The following KCNAB1 variants were observed in gnomAD, a reference collection of about 807,000 sequenced individuals.
The protein encoded by KCNAB1 is potassium voltage-gated channel subfamily A regulatory beta subunit 1, also known as voltage-gated potassium channel subunit beta-1.
A neutral mutation model predicts 64.6 loss-of-function variants in KCNAB1; 35 were observed. That is an observed-to-expected ratio of 0.54 (90% CI 0.41 to 0.72). KCNAB1 has a LOEUF of 0.72. Among genes scored for constraint, KCNAB1 ranks in the 30% least tolerant of loss-of-function variants. KCNAB1 has a pLI of 0.00. For missense variants in KCNAB1, 401 were observed against 512.9 expected, an observed-to-expected ratio of 0.78 and a Z score of 2.11; for synonymous variants, 177 against 183.8, an observed-to-expected ratio of 0.96 and a Z score of 0.30.
chr3:156,395,408 A>G (rs992394488), intron 1 of KCNAB1, among the ~76,000 whole-genome samples: 23 of 148,798 alleles, frequency 1.5e-4, no homozygotes, highest in Non-Finnish European at 3.0e-4. Context: ...AGCCGGGCGT[A>G]GTGGCGGGCG....
At chr3:156,408,637 G>T (rs572374843) in intron 1 of KCNAB1, among the ~76,000 whole-genome samples, 2 of 152,062 alleles carry the variant, frequency 1.3e-5, no homozygotes, top group Middle Eastern at 6.8e-3. Context: ...AAAATTAGCC[G>T]GGTGTGGTGG....
chr3:156,229,608 C>A (rs1030021509), intron 1 of KCNAB1, among the ~76,000 whole-genome samples: 2 of 152,162 alleles, frequency 1.3e-5, no homozygotes, highest in African/African-American at 2.4e-5. Context: ...GATATAGAGT[C>A]ATTTCCTAAG....
intron 1 of KCNAB1, among the ~76,000 whole-genome samples, chr3:156,307,620 G>A (rs567163225): frequency 6.6e-6 from 1 of 152,184 alleles, no homozygotes; most frequent in Non-Finnish European, 1.5e-5. Flanking sequence ...GAGAACCCAA[G>A]GTGGCTCCAT....
chr3:156,296,929 T>G (rs902022330), intron 1 of KCNAB1, among the ~76,000 whole-genome samples: 1 of 152,192 alleles, frequency 6.6e-6, no homozygotes, highest in African/African-American at 2.4e-5. Context: ...TATAGCATGA[T>G]AGCAAAACCA....
At chr3:156,199,604 G>C (rs762784861) in intron 1 of KCNAB1, among the ~76,000 whole-genome samples, 4 of 151,962 alleles carry the variant, frequency 2.6e-5, no homozygotes, top group Non-Finnish European at 4.4e-5. Flanking sequence ...CCACTTAATC[G>C]ATTTGGTTAT....
chr3:156,238,378 C>A (rs993404354), intron 1 of KCNAB1, among the ~76,000 whole-genome samples: 1 of 146,686 alleles, frequency 6.8e-6, no homozygotes, highest in South Asian at 2.2e-4. Context: ...GCCGAGATCA[C>A]GCCACTGCAC....
chr3:156,237,144 T>C (rs1039832791), intron 1 of KCNAB1, among the ~76,000 whole-genome samples: 15 of 152,184 alleles, frequency 9.9e-5, no homozygotes, highest in Non-Finnish European at 1.8e-4. Flanking sequence ...TTTATTGGTT[T>C]TAGCCCCTCA....
chr3:156,346,890 A>C (rs1312512235), intron 1 of KCNAB1, among the ~76,000 whole-genome samples: 3 of 152,166 alleles, frequency 2.0e-5, no homozygotes, highest in African/African-American at 4.8e-5. Flanking sequence ...TGTTCTTGTC[A>C]GCATGCCATT....
chr3:156,317,442 T>C (rs1322891101), intron 1 of KCNAB1, among the ~76,000 whole-genome samples: 1 of 152,196 alleles, frequency 6.6e-6, no homozygotes, highest in Middle Eastern at 3.2e-3. Flanking sequence ...AATCTGTTAA[T>C]TGTCTTTCAC....
intron 8 of KCNAB1, 106 bp from the exon 9 acceptor site, chr3:156,514,258 A>G (rs977371762): frequency 2.6e-6 from 2 of 783,002 alleles, no homozygotes; most frequent in Non-Finnish European, 4.4e-6. Flanking sequence ...TATTAATCAA[A>G]CAAACAATTG....
intron 1 of KCNAB1, among the ~76,000 whole-genome samples, chr3:156,350,707 T>C (rs1296807603): frequency 6.6e-6 from 1 of 152,248 alleles, no homozygotes; most frequent in Non-Finnish European, 1.5e-5. Flanking sequence ...ATAAAGCATT[T>C]CAGAAGTTAA....
chr3:156,285,323 G>C (rs1448999453), intron 1 of KCNAB1, among the ~76,000 whole-genome samples: 1 of 152,000 alleles, frequency 6.6e-6, no homozygotes, highest in Non-Finnish European at 1.5e-5. Flanking sequence ...TCTAACATAA[G>C]ACAATGGCAA....
chr3:156,286,258 A>C (rs1353391861), intron 1 of KCNAB1, among the ~76,000 whole-genome samples: 1 of 152,210 alleles, frequency 6.6e-6, no homozygotes, highest in Non-Finnish European at 1.5e-5. Context: ...GAATATAATA[A>C]ATTGCTCTTC....
intron 1 of KCNAB1, among the ~76,000 whole-genome samples, chr3:156,358,951 A>C (rs1188863206): frequency 6.6e-6 from 1 of 152,220 alleles, no homozygotes; most frequent in Non-Finnish European, 1.5e-5. Flanking sequence ...ACTATATATA[A>C]AATATGAATA....
intron 1 of KCNAB1, among the ~76,000 whole-genome samples, chr3:156,330,959 T>C (rs1723291275): frequency 6.6e-6 from 1 of 152,078 alleles, no homozygotes; most frequent in South Asian, 2.1e-4. Flanking sequence ...AACTACTTTC[T>C]AAAAACAAAA....
In KCNAB1 at chr3:156,395,544, C is replaced by CAAAAAAAAAA. The variant is rs61017269; in HGVS notation, c.276-26040_276-26031dup. On this transcript the variant is annotated intron_variant, in intron 1 of 13. Transcript: ENST00000490337. ...TGGGCGACAGAGCGAGACTCCGTCT[C>CAAAAAAAAAA]AAAAAAAAAAAAAAAAAAAAAAAAA... 3.6e-3 allele frequency among the ~76,000 whole-genome samples: 91 copies of CAAAAAAAAAA among 25,456 alleles called. 23 individuals are homozygous for CAAAAAAAAAA. Among genetic ancestry groups the CAAAAAAAAAA allele is most frequent in the Non-Finnish European group, 8.3e-3 (75 of 8,986 alleles). The allele number at this position is 25,456 out of a possible 152,430, so 16.7% of individuals were successfully genotyped here. A position where few individuals can be genotyped will look rare whatever the true frequency, so the allele number is the denominator to read the frequency against.
intron 1 of KCNAB1, among the ~76,000 whole-genome samples, chr3:156,294,663 T>A (rs1047216105): frequency 6.6e-6 from 1 of 152,218 alleles, no homozygotes; most frequent in African/African-American, 2.4e-5. Flanking sequence ...GGAAGATAAT[T>A]GGCTTAGGTA....
At chr3:156,429,229 A>C (rs1034777395) in intron 2 of KCNAB1, among the ~76,000 whole-genome samples, 1 of 152,206 alleles carries the variant, frequency 6.6e-6, no homozygotes, top group Non-Finnish European at 1.5e-5. Context: ...TAAGATAGAA[A>C]AATGTGTGAA....
chr3:156,474,919 A>G, intron 8 of KCNAB1, 99 bp downstream of exon 8: 2 of 959,198 alleles, frequency 2.1e-6, no homozygotes, highest in Non-Finnish European at 3.3e-6. Flanking sequence ...AGACTGATCA[A>G]ACTGAATGTG....
Sources: gnomAD v4.1 joint callset for allele counts (sites outside exome capture counted in the v4.1 genomes callset) on GRCh38, gnomAD v4.1.1 for gene constraint, MANE v1.5 for transcripts, NCBI Gene and HGNC (gene_info 2026-07-23, HGNC 2026-07-21) for gene names.